The following P2RY8 variants were observed in gnomAD, a reference collection of about 807,000 sequenced individuals.
P2RY8 encodes P2Y receptor family member 8.
In P2RY8, 6 loss-of-function variants were observed where a neutral mutation model predicts 10.0. The observed-to-expected ratio is 0.60, with a 90% CI of 0.33 to 1.19. The LOEUF is 1.19. Among genes scored for constraint, P2RY8 ranks in the 50% most tolerant of loss-of-function variants. The probability of loss-of-function intolerance (pLI) is 0.04; values close to 1 mark genes in which losing one functional copy is unlikely to be tolerated. For synonymous variants in P2RY8, 276 were observed against 252.5 expected (o/e 1.09, Z -0.88); for missense variants, 456 against 542.0 (o/e 0.84, Z 1.58).
At chrX:1,477,284 A>T (rs1357358021) in intron 1 of P2RY8, among the ~76,000 whole-genome samples, 1 of 82,268 alleles carries the variant, frequency 1.2e-5, no homozygotes, top group Non-Finnish European at 2.6e-5. Context: ...TCTATCATCT[A>T]TCATCTATCT....
At chrX:1,504,264 C>T (rs1157025917) in intron 1 of P2RY8, among the ~76,000 whole-genome samples, 4 of 150,134 alleles carry the variant, frequency 2.7e-5, no homozygotes, top group Admixed American at 1.3e-4. Flanking sequence ...TGCGGTGAGC[C>T]GAGATGGCGC....
In P2RY8 at chrX:1,464,018, T is replaced by A. The variant is rs2091625799; in HGVS notation, c.*1461A>T. On this transcript the variant is annotated 3_prime_UTR_variant, in exon 2 of 2. Coordinates refer to ENST00000381297, the MANE Select transcript of P2RY8 (RefSeq NM_178129.5). ...AACCATCTCTGTTTTCCTGCCATAGTGATGACGGCAGGAGAGAGGCACCAA... is the reference window on the plus strand; with the variant it reads ...AACCATCTCTGTTTTCCTGCCATAGAGATGACGGCAGGAGAGAGGCACCAA... 2 of 233,328 alleles carry A rather than the reference T, an allele frequency of 8.6e-6. No individual in the cohort carries two copies. The highest frequency in any genetic ancestry group is 1.2e-4 in the East Asian group (2 of 16,602). The allele number at this position is 233,328 out of a possible 1,614,324, so 14.5% of individuals were successfully genotyped here.
intron 1 of P2RY8, among the ~76,000 whole-genome samples, chrX:1,493,254 C>T (rs766123278): frequency 6.8e-6 from 1 of 147,094 alleles, no homozygotes; most frequent in Admixed American, 6.9e-5. Flanking sequence ...CGCCACTGCA[C>T]TCCAGCCTGG....
In P2RY8 at chrX:1,486,691, C is replaced by G. The variant is rs28485295; in HGVS notation, c.-24-20109G>C. ...AGGTCCTAAATGTCCCCCAGTTATT[C>G]GCTTTAAAACGGTGAGTTCATGTCA... On this transcript the variant is annotated intron_variant, in intron 1 of 1. Transcript: ENST00000381297. Among the ~76,000 whole-genome samples, 1,279 of 152,082 alleles carry G rather than the reference C, an allele frequency of 8.4e-3. 15 individuals are homozygous for G. The highest frequency in any genetic ancestry group is 0.029 in the African/African-American group (1,203 of 41,488).
chrX:1,501,616 C>CA (rs1387209846), intron 1 of P2RY8, among the ~76,000 whole-genome samples: 4 of 152,062 alleles, frequency 2.6e-5, no homozygotes, highest in African/African-American at 9.6e-5. Flanking sequence ...TTATTTGAGA[C>CA]AAAGTTTCAC....
chrX:1,527,568 C>T (rs1240319254), intron 1 of P2RY8, among the ~76,000 whole-genome samples: 1 of 151,742 alleles, frequency 6.6e-6, no homozygotes, highest in Non-Finnish European at 1.5e-5. Flanking sequence ...ATCATTTATT[C>T]CTTATTCATC....
chrX:1,488,087 C>G (rs2092003576), intron 1 of P2RY8, among the ~76,000 whole-genome samples: 1 of 150,840 alleles, frequency 6.6e-6, no homozygotes, highest in Non-Finnish European at 1.5e-5. Context: ...TCCAGCCTGG[C>G]CAACAAGAGC....
intron 1 of P2RY8, among the ~76,000 whole-genome samples, chrX:1,478,273 G>GTGTGTGTATGTGTGTGTGTGTGCA (rs539376483): frequency 7.5e-6 from 1 of 133,568 alleles, no homozygotes; most frequent in African/African-American, 3.3e-5. Context: ...GTGTGTGTGT[G>GTGTGTGTATGTGTGTGTGTGTGCA]CCCAGCAGGG....
At chrX:1,508,206 C>T (rs1423163659) in intron 1 of P2RY8, among the ~76,000 whole-genome samples, 1 of 152,198 alleles carries the variant, frequency 6.6e-6, no homozygotes, top group Non-Finnish European at 1.5e-5. Flanking sequence ...GGCAGAGCTG[C>T]AGGCAGTCAG....
At chrX:1,488,601 T>G (rs1167876507) in intron 1 of P2RY8, among the ~76,000 whole-genome samples, 1 of 152,104 alleles carries the variant, frequency 6.6e-6, no homozygotes, top group Non-Finnish European at 1.5e-5. Context: ...TGCATTTCAT[T>G]CCAGCCCATG....
At chrX:1,530,057 G>T (rs1462359545) in intron 1 of P2RY8, among the ~76,000 whole-genome samples, 4 of 151,796 alleles carry the variant, frequency 2.6e-5, no homozygotes, top group African/African-American at 9.7e-5. Context: ...TTAGTATAGA[G>T]AATCTCTCCT....
intron 1 of P2RY8, among the ~76,000 whole-genome samples, chrX:1,521,246 C>G (rs2092389111): frequency 6.6e-6 from 1 of 152,006 alleles, no homozygotes; most frequent in Admixed American, 6.6e-5. Flanking sequence ...CGGAGTTTCA[C>G]TATATTGGCC....
chrX:1,511,316 T>C (rs2092296155), intron 1 of P2RY8, among the ~76,000 whole-genome samples: 2 of 152,240 alleles, frequency 1.3e-5, no homozygotes, highest in Non-Finnish European at 2.9e-5. Flanking sequence ...TGTATCCACG[T>C]GTCAGGATGC....
In P2RY8 at chrX:1,487,970, C is replaced by T. The variant is rs1193600060; in HGVS notation, c.-24-21388G>A. Among the ~76,000 whole-genome samples, 8 of 152,216 alleles carry T rather than the reference C, an allele frequency of 5.3e-5. 2 individuals carry two copies. The Middle Eastern group carries it at 0.01, about 194-fold the overall frequency. On this transcript the variant is annotated intron_variant, in intron 1 of 1. Transcript: ENST00000381297. Reference sequence around the variant, plus strand: ...CTAAAACTATAAAAAATTAGCCAGGCGTGGTGGTGGGCGTCTGTAATCCCA... The same window carrying T: ...CTAAAACTATAAAAAATTAGCCAGGTGTGGTGGTGGGCGTCTGTAATCCCA...
chrX:1,534,914 C>T (rs2092513325), intron 1 of P2RY8, among the ~76,000 whole-genome samples: 1 of 152,106 alleles, frequency 6.6e-6, no homozygotes, highest in Non-Finnish European at 1.5e-5. Flanking sequence ...CCTCTCCCAC[C>T]CACCCCAAGG....
rs185628592 is a variant in P2RY8 at position 1,465,459 on chromosome X, C to G, written c.*20G>C. The G allele has an allele frequency of 0.015, 23,098 of 1,580,664 alleles. 181 individuals carry two copies. Among genetic ancestry groups the G allele is most frequent in the Middle Eastern group, 0.026 (117 of 4,506 alleles). On this transcript the variant is annotated 3_prime_UTR_variant, in exon 2 of 2. Coordinates refer to ENST00000381297, the MANE Select transcript of P2RY8 (RefSeq NM_178129.5). ...ATCTCCAAGCTGCGCCCCCGGCTCT[C>G]CAAGCTGCGCCCCCGGGACTCAGAA...
Position 1,497,317 on chromosome X carries a change from G to T in P2RY8, c.-24-30735C>A, listed in dbSNP as rs148036907. 9.7e-3 allele frequency among the ~76,000 whole-genome samples: 1,473 copies of T among 151,246 alleles called. 12 individuals are homozygous for T. The highest frequency in any genetic ancestry group is 0.033 in the African/African-American group (1,355 of 41,102). ...TTTTTTTAAATAGCATGTTAATTAG[G>T]GTTTTCTCTTTTTTTTTTTCAAGAC... is the stretch of plus-strand genomic sequence containing the variant. On this transcript the variant is annotated intron_variant, in intron 1 of 1. Transcript: ENST00000381297.
chrX:1,512,748 G>C (rs1215867413), intron 1 of P2RY8, among the ~76,000 whole-genome samples: 1 of 151,962 alleles, frequency 6.6e-6, no homozygotes, highest in Non-Finnish European at 1.5e-5. Context: ...GATCTCCTGA[G>C]ACTTATTTAC....
At chrX:1,532,419 GTATATATACACATATATGTATATA>G (rs2092483597) in intron 1 of P2RY8, among the ~76,000 whole-genome samples, 2 of 144,148 alleles carry the variant, frequency 1.4e-5, no homozygotes, top group African/African-American at 2.5e-5. Context: ...TATATGATGT[GTATATATACACATATATGTATATA>G]TGTATATGTG....
Sources: allele counts gnomAD v4.1 joint callset (sites outside exome capture counted in the v4.1 genomes callset), GRCh38; gene constraint gnomAD v4.1.1; transcripts MANE v1.5; gene names NCBI Gene and HGNC (gene_info 2026-07-23, HGNC 2026-07-21).